The following STAU2 variants were observed in gnomAD, a reference collection of about 807,000 sequenced individuals.
STAU2 encodes double-stranded RNA-binding protein Staufen homolog 2.
A neutral mutation model predicts 65.9 loss-of-function variants in STAU2; 20 were observed. The ratio of observed to expected loss-of-function variants is 0.30; its 90% CI spans 0.21 to 0.44. The LOEUF is 0.44. Among genes scored for constraint, STAU2 ranks in the 20% least tolerant of loss-of-function variants. STAU2 has a pLI of 1.00. For synonymous variants in STAU2, 232 were observed against 233.9 expected, an observed-to-expected ratio of 0.99 and a Z score of 0.07; for missense variants, 558 against 683.9, an observed-to-expected ratio of 0.82 and a Z score of 2.05.
At chr8:73,553,044 A>G (rs1807449855) in intron 12 of STAU2, among the ~76,000 whole-genome samples, 1 of 152,196 alleles carries the variant, frequency 6.6e-6, no homozygotes, top group Admixed American at 6.5e-5. Context: ...GCATTAATTC[A>G]AGCCAGGCCA....
intron 9 of STAU2, among the ~76,000 whole-genome samples, chr8:73,612,185 G>C (rs1400164213): frequency 6.6e-6 from 1 of 152,040 alleles, no homozygotes; most frequent in East Asian, 1.9e-4. Flanking sequence ...AATGTGAATA[G>C]GTAGTATTAG....
intron 4 of STAU2, among the ~76,000 whole-genome samples, chr8:73,697,117 G>A (rs918551766): frequency 3.9e-5 from 6 of 152,104 alleles, no homozygotes; most frequent in African/African-American, 9.7e-5. Flanking sequence ...GCAGTGATGC[G>A]ATCTTGCCTC....
intron 13 of STAU2, among the ~76,000 whole-genome samples, chr8:73,482,221 G>T (rs1020872573): frequency 6.6e-6 from 1 of 151,922 alleles, no homozygotes; most frequent in African/African-American, 2.4e-5. Context: ...GAGTCTCTTG[G>T]TGAGCTGGCA....
intron 13 of STAU2, among the ~76,000 whole-genome samples, chr8:73,537,056 A>T (rs1384881757): frequency 6.6e-6 from 1 of 152,226 alleles, no homozygotes; most frequent in African/African-American, 2.4e-5. Flanking sequence ...CACTCTTGAA[A>T]CAGATTTTAA....
At chr8:73,641,948 C>A (rs577532711) in intron 6 of STAU2, among the ~76,000 whole-genome samples, 17 of 152,250 alleles carry the variant, frequency 1.1e-4, no homozygotes, top group Middle Eastern at 3.4e-3. Flanking sequence ...CAAATGTACT[C>A]TTTTATACTC....
At chr8:73,730,943 T>A (rs889264901) in intron 3 of STAU2, among the ~76,000 whole-genome samples, 5 of 152,184 alleles carry the variant, frequency 3.3e-5, no homozygotes, top group Admixed American at 3.3e-4. Flanking sequence ...ATTGTTGGGT[T>A]CTGAATTTTG....
intron 3 of STAU2, among the ~76,000 whole-genome samples, chr8:73,710,463 C>T (rs1461388110): frequency 6.6e-6 from 1 of 150,530 alleles, no homozygotes; most frequent in Admixed American, 6.7e-5. Flanking sequence ...TCCTCTCTAA[C>T]TGTCAAGATC....
chr8:73,726,427 A>G (rs753024219), intron 3 of STAU2, among the ~76,000 whole-genome samples: 1 of 152,214 alleles, frequency 6.6e-6, no homozygotes, highest in Non-Finnish European at 1.5e-5. Context: ...AAAACTGTTG[A>G]AATAAAAAAT....
chr8:73,559,602 A>C (rs914353455), intron 12 of STAU2, among the ~76,000 whole-genome samples: 4 of 152,204 alleles, frequency 2.6e-5, no homozygotes, highest in Non-Finnish European at 4.4e-5. Context: ...TTAAGAGTAC[A>C]TGTGACCCAA....
chr8:73,679,801 T>C lies in STAU2; in HGVS notation c.275-6559A>G, dbSNP rs1423097380. On this transcript the variant is annotated intron_variant, in intron 5 of 14. Coordinates refer to ENST00000524300, the MANE Select transcript of STAU2 (RefSeq NM_001164380.2). ...TACTTGGGAGGCTGAGGCAGGAGAA[T>C]TGCTTGAGCCCAGGAGGCGGAGGCT... 4.6e-5 allele frequency among the ~76,000 whole-genome samples: 7 copies of C among 151,086 alleles called. No individual in the cohort carries two copies. In the South Asian group the frequency reaches 1.0e-3, roughly 23 times the overall value.
At chr8:73,634,273 T>C (rs187034250) in intron 6 of STAU2, among the ~76,000 whole-genome samples, 1 of 152,092 alleles carries the variant, frequency 6.6e-6, no homozygotes, top group Non-Finnish European at 1.5e-5. Context: ...TTATTTATTT[T>C]TTGCTCAAAA....
In STAU2 at chr8:73,422,680, T is replaced by C. The variant is rs781461806; in HGVS notation, c.1553A>G (p.Gln518Arg). The change falls in exon 14 of 15, where the codon CAA (glutamine) becomes CGA (arginine). Residue 518 changes from glutamine to arginine, a missense_variant. By Grantham distance (43) the Gln-to-Arg change is conservative. This residue lies in a region of STAU2 where 247 missense variants were observed against 270.1 expected (regional missense o/e 0.91). Coordinates refer to ENST00000524300, the MANE Select transcript of STAU2 (RefSeq NM_001164380.2). Reference protein sequence around the residue: ...GFQAALSALKQFSEQGLDPID... With the variant: ...GFQAALSALKRFSEQGLDPID... ...TGGATCCAGTCCTTGTTCAGAAAATTGTTTCAAGGCACTTAAGGCTGCCTA... is the reference window on the plus strand; with the variant it reads ...TGGATCCAGTCCTTGTTCAGAAAATCGTTTCAAGGCACTTAAGGCTGCCTA... The C allele has an allele frequency of 6.6e-7, 1 of 1,505,676 alleles. No homozygotes were observed. Among genetic ancestry groups the C allele is most frequent in the Admixed American group, 2.3e-5 (1 of 44,168 alleles). 93.3% of individuals were successfully genotyped at this position (1,505,676 alleles called of 1,614,324 possible).
chr8:73,652,141 T>G (rs557410557), intron 6 of STAU2: 3 of 151,972 alleles, frequency 2.0e-5, no homozygotes, highest in Non-Finnish European at 4.4e-5. Flanking sequence ...GTAGGCTTTG[T>G]GTGTAAAAAA....
rs142043134 is a variant in STAU2, at chr8:73,646,938, G to GACACACACACACACACACAC, written c.410+26149_410+26168dup. Among the ~76,000 whole-genome samples, 3 of 144,064 alleles carry GACACACACACACACACACAC rather than the reference G, an allele frequency of 2.1e-5. No individual in the cohort carries two copies. The East Asian group carries it at 6.1e-4, about 30-fold the overall frequency. The allele number at this position is 144,064 out of a possible 152,430, so 94.5% of individuals were successfully genotyped here. ...ATATTTCACCAAAGACACACAGCCA[G>GACACACACACACACACACAC]ACACACACACACACACACACACACA... On this transcript the variant is annotated intron_variant, in intron 6 of 14. Coordinates refer to ENST00000524300, the MANE Select transcript of STAU2 (RefSeq NM_001164380.2).
chr8:73,701,540 G>A (rs963545373), intron 4 of STAU2, among the ~76,000 whole-genome samples: 5 of 152,044 alleles, frequency 3.3e-5, no homozygotes, highest in African/African-American at 9.7e-5. Flanking sequence ...ATATCATCTT[G>A]CTCAAGTTAA....
At chr8:73,721,502 G>A (rs541416781) in intron 3 of STAU2, among the ~76,000 whole-genome samples, 1 of 152,036 alleles carries the variant, frequency 6.6e-6, no homozygotes, top group African/African-American at 2.4e-5. Flanking sequence ...TATTGACAGG[G>A]GTTACTAAAA....
intron 3 of STAU2, among the ~76,000 whole-genome samples, chr8:73,737,846 T>C (rs1239149102): frequency 6.6e-6 from 1 of 151,796 alleles, no homozygotes; most frequent in Non-Finnish European, 1.5e-5. Context: ...AATGCTGTAG[T>C]TTATCAGGGC....
chr8:73,587,789 G>A (rs946378137), intron 11 of STAU2, among the ~76,000 whole-genome samples: 1 of 152,196 alleles, frequency 6.6e-6, no homozygotes, highest in African/African-American at 2.4e-5. Flanking sequence ...TGGTAAAGTG[G>A]TTGCCTCTGG....
rs573277798 is a variant in STAU2, at chr8:73,621,320, C to T, written c.411-3869G>A. 1.6e-4 allele frequency among the ~76,000 whole-genome samples: 24 copies of T among 152,252 alleles called. 1 individual carries two copies. In the South Asian group the frequency reaches 5.0e-3, roughly 32 times the overall value. On this transcript the variant is annotated intron_variant, in intron 6 of 14. Coordinates refer to ENST00000524300, the MANE Select transcript of STAU2 (RefSeq NM_001164380.2). ...CTGCTGGCATTCATTTCCTCTCCTG[C>T]TGTCCTGTGAAGAGGTGCCTTCTGC...
Sources: gnomAD v4.1 joint callset for allele counts (sites outside exome capture counted in the v4.1 genomes callset) on GRCh38, gnomAD v4.1.1 for gene constraint, gnomAD v4.1.1 regional missense constraint, MANE v1.5 for transcripts, NCBI Gene and HGNC (gene_info 2026-07-23, HGNC 2026-07-21) for gene names.